GLS: variants seen among roughly 807,000 people sequenced by gnomAD.
GLS encodes the protein glutaminase.
Under a neutral mutation model 86.7 loss-of-function variants are expected in GLS, and 36 were observed. That is an observed-to-expected ratio of 0.42 (90% confidence interval 0.32 to 0.55). The LOEUF is 0.55. Ranked by LOEUF, GLS falls within the 20% of genes least tolerant of loss-of-function variation. The pLI, the probability that GLS is intolerant of heterozygous loss-of-function variation, is 0.17. For synonymous variants in GLS, 317 were observed against 305.9 expected (o/e 1.04, Z -0.38); for missense variants, 528 against 833.4 (o/e 0.63, Z 4.51).
At chr2:190,960,359 A>ATTTTTTTTTTTTTTTTTTTTTTTTTTTTT (rs770419477) in intron 17 of GLS, among the ~76,000 whole-genome samples, 1 of 101,486 alleles carries the variant, frequency 9.9e-6, no homozygotes, top group African/African-American at 4.0e-5. Flanking sequence ...TTAAGCTTCA[A>ATTTTTTTTTTTTTTTTTTTTTTTTTTTTT]TTTTTTTTTT....
chr2:190,956,173 GT>G lies in GLS; in HGVS notation c.1853+1359del, dbSNP rs1319872625. Among the ~76,000 whole-genome samples, 2 of 152,150 alleles carry G rather than the reference GT, an allele frequency of 1.3e-5. No individual in the cohort carries two copies. The highest frequency in any genetic ancestry group is 1.3e-4 in the Admixed American group (2 of 15,274). On this transcript the variant is annotated intron_variant, in intron 17 of 17. Transcript: ENST00000320717. The surrounding 1 kb of genome is among the most constrained non-coding windows in gnomAD (Gnocchi z 4.2). ...GGCTTTTGTTGCCATTGCTTTTGGT[GT>G]TTTGGTCATGAAGTCTTTGCCCATG...
At chr2:190,881,494 G>A (rs1037520347) in intron 1 of GLS, 24 bp downstream of exon 1, 10 of 1,535,012 alleles carry the variant, frequency 6.5e-6, no homozygotes, top group Non-Finnish European at 8.8e-6. Context: ...CGAGGCGCAG[G>A]AGGCCTCGTT....
intron 3 of GLS, among the ~76,000 whole-genome samples, chr2:190,899,679 G>C (rs1688871514): frequency 6.6e-6 from 1 of 151,992 alleles, no homozygotes. Flanking sequence ...GCATTACAGA[G>C]ACTTAAGAAG....
At chr2:190,902,980 C>T (rs780687975) in intron 5 of GLS, among the ~76,000 whole-genome samples, 27 of 152,152 alleles carry the variant, frequency 1.8e-4, no homozygotes, top group African/African-American at 5.5e-4. Context: ...TACTAAAAGC[C>T]GTTTAACCTA....
rs1689748826 is a variant in GLS, at chr2:190,921,836, A to G, written c.1130+633A>G. Reference sequence around the variant, plus strand: ...TTAATTTTAAAATATCATGACATTAATCAATATGTAAATGTCCCCATCTCT... The same window carrying G: ...TTAATTTTAAAATATCATGACATTAGTCAATATGTAAATGTCCCCATCTCT... On this transcript the variant is annotated intron_variant, in intron 9 of 17. Transcript: ENST00000320717. This position sits in a 1 kb window ranked among gnomAD's most constrained non-coding sequence, Gnocchi z 4.2. Among the ~76,000 whole-genome samples, 1 of 152,064 alleles carries G rather than the reference A, an allele frequency of 6.6e-6. No individual in the cohort carries two copies. Among genetic ancestry groups the G allele is most frequent in the African/African-American group, 2.4e-5 (1 of 41,444 alleles).
chr2:190,910,037 C>T (rs2355571), intron 6 of GLS, among the ~76,000 whole-genome samples: 49,854 of 151,568 alleles, frequency 0.33, 10,604 homozygotes, highest in Non-Finnish European at 0.47. Flanking sequence ...AACTTTGGCT[C>T]TTAAAAAAAA....
chr2:190,942,187 C>T (rs560753970), intron 14 of GLS, among the ~76,000 whole-genome samples: 56 of 144,174 alleles, frequency 3.9e-4, no homozygotes, highest in African/African-American at 1.4e-3. Flanking sequence ...TCACACCATT[C>T]TCCTGCCTCA....
At position 190,880,824 on chromosome 2, in the gene GLS, G is replaced by A. The variant is rs907329206; in HGVS notation, c.-261G>A. On this transcript the variant is annotated 5_prime_UTR_variant, in exon 1 of 18. Coordinates refer to ENST00000320717, the MANE Select transcript of GLS (RefSeq NM_014905.5). ...CCCTCCCCTGCGCTTTAGCCTCAGT[G>A]CGGAGCCTTAGGCGGAGCGAAGAGA... is the stretch of plus-strand genomic sequence containing the variant. 1.6e-5 allele frequency: 12 copies of A among 732,792 alleles called. No homozygotes were observed. Among genetic ancestry groups the A allele is most frequent in the East Asian group, 1.2e-4 (4 of 32,056 alleles). 45.4% of individuals were successfully genotyped at this position (732,792 alleles called of 1,614,324 possible).
intron 14 of GLS, chr2:190,934,961 A>T (rs971979591): frequency 1.0e-6 from 1 of 969,020 alleles, no homozygotes; most frequent in Admixed American, 6.2e-5. Flanking sequence ...AGTATTCTTA[A>T]CACCTTTTTA....
chr2:190,900,298 A>C (rs909170049), intron 3 of GLS, among the ~76,000 whole-genome samples: 3 of 152,160 alleles, frequency 2.0e-5, no homozygotes, highest in African/African-American at 7.2e-5. Context: ...CTTAATACTT[A>C]AACCTGGTGG....
intron 1 of GLS, among the ~76,000 whole-genome samples, chr2:190,891,222 C>G (rs957463405): frequency 7.2e-5 from 11 of 152,076 alleles, no homozygotes; most frequent in African/African-American, 2.7e-4. Context: ...AACACTTCTA[C>G]CATAGTATTT....
In GLS at chr2:190,954,553, A is replaced by G. The variant is rs761724518; in HGVS notation, c.1713-31A>G. The G allele has an allele frequency of 4.7e-6, 7 of 1,484,302 alleles. No homozygotes were observed. Among genetic ancestry groups the G allele is most frequent in the Non-Finnish European group, 6.5e-6 (7 of 1,069,724 alleles). The allele number at this position is 1,484,302 out of a possible 1,614,324, so 91.9% of individuals were successfully genotyped here. A position where few individuals can be genotyped will look rare whatever the true frequency, so the allele number is the denominator to read the frequency against. On this transcript the variant is annotated intron_variant, in intron 15 of 17. Coordinates refer to ENST00000320717, the MANE Select transcript of GLS (RefSeq NM_014905.5). This position sits in a 1 kb window ranked among gnomAD's most constrained non-coding sequence, Gnocchi z 4.0. ...AGTGTGAATTAAATTTGCTTTATAT[A>G]TAATAAATAGCTGTGCTTACACATT...
Position 190,953,447 on chromosome 2 carries a change from T to G in GLS, c.1651-118T>G, listed in dbSNP as rs766177941. 1.4e-6 allele frequency: 1 copy of G among 708,478 alleles called. No individual in the cohort carries two copies. Among genetic ancestry groups the G allele is most frequent in the Non-Finnish European group, 2.6e-6 (1 of 388,914 alleles). 43.9% of individuals were successfully genotyped at this position (708,478 alleles called of 1,614,324 possible). On this transcript the variant is annotated intron_variant, in intron 14 of 17. Coordinates refer to ENST00000320717, the MANE Select transcript of GLS (RefSeq NM_014905.5). This position sits in a 1 kb window ranked among gnomAD's most constrained non-coding sequence, Gnocchi z 4.0. ...CTATGGAAGTGTCCTTGAGATCACT[T>G]TTTGCACGTGACTCAGCTGAAGTGT...
rs539706090 is a variant in GLS at position 190,924,740 on chromosome 2, C to A, written c.1248+147C>A. 5.2e-6 allele frequency: 3 copies of A among 580,334 alleles called. No individual in the cohort carries two copies. Among genetic ancestry groups the A allele is most frequent in the East Asian group, 6.3e-5 (2 of 31,768 alleles). 35.9% of individuals were successfully genotyped at this position (580,334 alleles called of 1,614,324 possible). ...GGTCATCCTGGCCAACATGGTGAAACCCCATCTCTACTAAAAATACAAAAA... is the reference window on the plus strand; with the variant it reads ...GGTCATCCTGGCCAACATGGTGAAAACCCATCTCTACTAAAAATACAAAAA... On this transcript the variant is annotated intron_variant, in intron 11 of 17. Transcript: ENST00000320717. This position sits in a 1 kb window ranked among gnomAD's most constrained non-coding sequence, Gnocchi z 5.2.
chr2:190,942,552 T>C (rs1047616532), intron 14 of GLS, among the ~76,000 whole-genome samples: 18 of 152,258 alleles, frequency 1.2e-4, no homozygotes, highest in African/African-American at 4.3e-4. Flanking sequence ...AGAAATAGGA[T>C]TGGCAGCACT....
rs549032029 is a variant in GLS, at chr2:190,888,344, A to G, written c.387-6808A>G. On this transcript the variant is annotated intron_variant, in intron 1 of 17. Transcript: ENST00000320717. Reference sequence around the variant, plus strand: ...CATCAAACTTTAAAAATTTAAAACTATGCTTGATATATCTCCCTAGTAAAT... The same window carrying G: ...CATCAAACTTTAAAAATTTAAAACTGTGCTTGATATATCTCCCTAGTAAAT... Among the ~76,000 whole-genome samples, 9 of 152,310 alleles carry G rather than the reference A, an allele frequency of 5.9e-5. No homozygotes were observed. The South Asian group carries it at 6.2e-4, about 11-fold the overall frequency.
In GLS at chr2:190,953,461, C is replaced by T. The variant is rs1428316715; in HGVS notation, c.1651-104C>T. On this transcript the variant is annotated intron_variant, in intron 14 of 17. Coordinates refer to ENST00000320717, the MANE Select transcript of GLS (RefSeq NM_014905.5). This position sits in a 1 kb window ranked among gnomAD's most constrained non-coding sequence, Gnocchi z 4.0. ...TTGAGATCACTTTTTGCACGTGACT[C>T]AGCTGAAGTGTTCAAAGCACATGGA... 7.6e-6 allele frequency: 6 copies of T among 786,954 alleles called. No homozygotes were observed. The highest frequency in any genetic ancestry group is 6.8e-5 in the African/African-American group (4 of 59,088). The allele number at this position is 786,954 out of a possible 1,614,324, so 48.7% of individuals were successfully genotyped here.
At chr2:190,922,765 G>A (rs542079345) in intron 9 of GLS, among the ~76,000 whole-genome samples, 1 of 152,214 alleles carries the variant, frequency 6.6e-6, no homozygotes, top group African/African-American at 2.4e-5. Flanking sequence ...ATTAGAAGGG[G>A]CTGTCCACCT....
intron 14 of GLS, chr2:190,932,899 A>G: frequency 7.0e-7 from 1 of 1,429,668 alleles, no homozygotes; most frequent in Non-Finnish European, 9.2e-7. Context: ...TTCTTCATTT[A>G]ATCTTTCAAA....
Sources: allele counts gnomAD v4.1 joint callset (sites outside exome capture counted in the v4.1 genomes callset), GRCh38; gene constraint gnomAD v4.1.1; non-coding constraint Gnocchi (gnomAD v3.1); transcripts MANE v1.5; gene names NCBI Gene and HGNC (gene_info 2026-07-23, HGNC 2026-07-21).